Variants in POU6F2 observed in about 807,000 individuals in gnomAD.
The protein encoded by POU6F2 is POU domain, class 6, transcription factor 2.
In POU6F2, 31 loss-of-function variants were observed where a neutral mutation model predicts 71.3. The ratio of observed to expected loss-of-function variants is 0.43; its 90% CI spans 0.33 to 0.59. The LOEUF is 0.59. Ranked by LOEUF, POU6F2 falls within the 20% of genes least tolerant of loss-of-function variation. The pLI, the probability that POU6F2 is intolerant of heterozygous loss-of-function variation, is 0.04. For missense variants in POU6F2, 783 were observed against 856.8 expected, an observed-to-expected ratio of 0.91 and a Z score of 1.07; for synonymous variants, 347 against 355.7, an observed-to-expected ratio of 0.98 and a Z score of 0.27.
intron 4 of POU6F2, among the ~76,000 whole-genome samples, chr7:39,309,862 G>C (rs952127902): frequency 2.0e-5 from 3 of 152,038 alleles, no homozygotes; most frequent in Non-Finnish European, 4.4e-5. Context: ...ACCTTTTCTC[G>C]CAGATAAGAA....
At chr7:39,215,750 C>G (rs1794228076) in intron 4 of POU6F2, among the ~76,000 whole-genome samples, 1 of 152,132 alleles carries the variant, frequency 6.6e-6, no homozygotes, top group South Asian at 2.1e-4. Flanking sequence ...GTTGTGGTCT[C>G]TACACTGCAC....
chr7:39,285,915 G>A (rs541769157), intron 4 of POU6F2, among the ~76,000 whole-genome samples: 1 of 152,270 alleles, frequency 6.6e-6, no homozygotes, highest in African/African-American at 2.4e-5. Context: ...ATTCCCAGAA[G>A]GGAGGAAGCA....
At chr7:39,321,271 T>C (rs182747548) in intron 4 of POU6F2, among the ~76,000 whole-genome samples, 18 of 152,236 alleles carry the variant, frequency 1.2e-4, no homozygotes, top group Non-Finnish European at 2.4e-4. Context: ...ATACCTACTT[T>C]GTGTAAATGG....
chr7:39,434,588 T>C (rs1044060275), intron 7 of POU6F2, among the ~76,000 whole-genome samples: 5 of 151,838 alleles, frequency 3.3e-5, no homozygotes, highest in Non-Finnish European at 7.4e-5. Flanking sequence ...GATGATTTAA[T>C]CTGCAGCCAA....
At chr7:39,199,317 C>T (rs1046514847) in intron 2 of POU6F2, among the ~76,000 whole-genome samples, 2 of 152,050 alleles carry the variant, frequency 1.3e-5, no homozygotes, top group Non-Finnish European at 2.9e-5. Context: ...TATATACTCT[C>T]GGGATTAAAA....
chr7:39,033,851 G>A (rs1317302503), intron 1 of POU6F2, among the ~76,000 whole-genome samples: 2 of 152,152 alleles, frequency 1.3e-5, no homozygotes, highest in East Asian at 3.9e-4. Flanking sequence ...TGTATTCAGG[G>A]TACTGTTATT....
chr7:39,053,533 G>A (rs994672388), intron 1 of POU6F2, among the ~76,000 whole-genome samples: 7 of 151,964 alleles, frequency 4.6e-5, no homozygotes, highest in Non-Finnish European at 1.5e-5. Flanking sequence ...GGTAAAGAGT[G>A]AGTTACTTAA....
chr7:39,231,022 C>T (rs765602444), intron 4 of POU6F2, among the ~76,000 whole-genome samples: 7 of 152,106 alleles, frequency 4.6e-5, no homozygotes, highest in Non-Finnish European at 1.0e-4. Context: ...CTACTGGCAT[C>T]TAGAGGGTAG....
intron 1 of POU6F2, among the ~76,000 whole-genome samples, chr7:39,022,858 A>G (rs1789709891): frequency 6.6e-6 from 1 of 152,038 alleles, no homozygotes; most frequent in African/African-American, 2.4e-5. Flanking sequence ...CTTTGGGGTA[A>G]ATACCAAGAG....
At chr7:39,220,723 G>A (rs920587381) in intron 4 of POU6F2, among the ~76,000 whole-genome samples, 7 of 151,868 alleles carry the variant, frequency 4.6e-5, no homozygotes, top group Non-Finnish European at 8.8e-5. Context: ...TCTGAGATTT[G>A]CTTTGCTTGT....
At chr7:39,034,519 T>A in intron 1 of POU6F2, 1 of 422,056 alleles carries the variant, frequency 2.4e-6, no homozygotes, top group South Asian at 1.7e-5. Context: ...CTTGATATAA[T>A]AATGCACATA....
chr7:39,024,945 A>G (rs1789765392), intron 1 of POU6F2, among the ~76,000 whole-genome samples: 1 of 152,174 alleles, frequency 6.6e-6, no homozygotes, highest in Non-Finnish European at 1.5e-5. Flanking sequence ...ATGTTTATCA[A>G]GGATATTAGT....
chr7:39,147,392 G>C (rs543038691), intron 2 of POU6F2, among the ~76,000 whole-genome samples: 1 of 152,208 alleles, frequency 6.6e-6, no homozygotes, highest in Non-Finnish European at 1.5e-5. Flanking sequence ...TAGGAGACGT[G>C]TGAGCTGTTT....
chr7:39,327,836 GTATGCA>G (rs1351941119), intron 4 of POU6F2, among the ~76,000 whole-genome samples: 15 of 150,014 alleles, frequency 1.0e-4, no homozygotes, highest in Middle Eastern at 3.2e-3. Context: ...TTCCATATAT[GTATGCA>G]TTAGTTTGTG....
chr7:39,159,282 C>CTT (rs914808283), intron 2 of POU6F2, among the ~76,000 whole-genome samples: 1 of 152,176 alleles, frequency 6.6e-6, no homozygotes, highest in African/African-American at 2.4e-5. Context: ...TATGTCTTAT[C>CTT]TTTCATTGGC....
At chr7:39,412,721 C>G (rs543557190) in intron 6 of POU6F2, among the ~76,000 whole-genome samples, 1 of 120,636 alleles carries the variant, frequency 8.3e-6, no homozygotes, top group Non-Finnish European at 1.7e-5. Flanking sequence ...AAAAGGCACT[C>G]TTGTTTAACC....
In POU6F2 at chr7:39,461,730, T is replaced by C. The variant is rs570323530; in HGVS notation, c.1658+1015T>C. Among the ~76,000 whole-genome samples the C allele has an allele frequency of 1.6e-4, 24 of 152,304 alleles. No individual in the cohort carries two copies. In the East Asian group the frequency reaches 4.6e-3, roughly 29 times the overall value. ...GCTCAATGATTTCCCATAAAACCCA[T>C]TGATTGTTGTTAAATACAAAAAGCA... On this transcript the variant is annotated intron_variant, in intron 9 of 9. Transcript: ENST00000518318.
chr7:39,215,705 G>T (rs1031700524), intron 4 of POU6F2, among the ~76,000 whole-genome samples: 1 of 152,176 alleles, frequency 6.6e-6, no homozygotes, highest in African/African-American at 2.4e-5. Flanking sequence ...GCGTGGCAGG[G>T]ATGGGGATGT....
At chr7:39,395,398 A>G (rs575157183) in intron 5 of POU6F2, among the ~76,000 whole-genome samples, 11 of 152,046 alleles carry the variant, frequency 7.2e-5, no homozygotes, top group Admixed American at 2.0e-4. Context: ...TGCCCTCACA[A>G]TCAACTCTGA....
Sources: allele counts gnomAD v4.1 joint callset (sites outside exome capture counted in the v4.1 genomes callset), GRCh38; gene constraint gnomAD v4.1.1; transcripts MANE v1.5; gene names NCBI Gene and HGNC (gene_info 2026-07-23, HGNC 2026-07-21).